MGAT4C: variants seen among roughly 807,000 people sequenced by gnomAD.
MGAT4C encodes MGAT4 family member C.
A neutral mutation model predicts 40.1 loss-of-function variants in MGAT4C; 19 were observed. The observed-to-expected ratio is 0.47, with a 90% CI of 0.33 to 0.70. The LOEUF (loss-of-function observed/expected upper bound fraction) is 0.70. MGAT4C is among the 30% of genes least tolerant of loss of function. The pLI is 0.02. For missense variants in MGAT4C, 491 were observed against 563.2 expected (o/e 0.87, Z 1.30); for synonymous variants, 181 against 187.1 (o/e 0.97, Z 0.27).
At chr12:86,691,200 A>G (rs1024371818) in intron 2 of MGAT4C, among the ~76,000 whole-genome samples, 11 of 152,214 alleles carry the variant, frequency 7.2e-5, no homozygotes, top group Non-Finnish European at 1.5e-4. Context: ...TATCTTGAGA[A>G]CAACTAGAAT....
At chr12:86,542,555 T>C (rs1227270106) in intron 2 of MGAT4C, among the ~76,000 whole-genome samples, 1 of 152,228 alleles carries the variant, frequency 6.6e-6, no homozygotes, top group East Asian at 1.9e-4. Flanking sequence ...TTGTGTGTTT[T>C]TATTATTTAA....
chr12:86,057,814 C>T (rs1893554507), intron 1 of MGAT4C, among the ~76,000 whole-genome samples: 1 of 152,102 alleles, frequency 6.6e-6, no homozygotes, highest in South Asian at 2.1e-4. Context: ...AAGATTTTCC[C>T]ACTAATTGGA....
At chr12:86,564,109 C>A (rs73389850) in intron 2 of MGAT4C, among the ~76,000 whole-genome samples, 8 of 152,236 alleles carry the variant, frequency 5.3e-5, no homozygotes, top group Non-Finnish European at 7.4e-5. Flanking sequence ...TGGTGATTCC[C>A]GCCATATCCC....
chr12:86,807,939 G>A (rs1254044501), intron 1 of MGAT4C, among the ~76,000 whole-genome samples: 1 of 151,968 alleles, frequency 6.6e-6, no homozygotes, highest in African/African-American at 2.4e-5. Context: ...TTTGAGAAAT[G>A]TCTGTTAATA....
At chr12:86,553,370 C>T (rs926283522) in intron 2 of MGAT4C, among the ~76,000 whole-genome samples, 1 of 152,064 alleles carries the variant, frequency 6.6e-6, no homozygotes, top group Non-Finnish European at 1.5e-5. Context: ...CACACCTACT[C>T]TAAATTCTAA....
At chr12:86,284,886 G>T (rs938248231) in intron 4 of MGAT4C, among the ~76,000 whole-genome samples, 5 of 151,914 alleles carry the variant, frequency 3.3e-5, no homozygotes, top group African/African-American at 1.2e-4. Context: ...TATGTCATCT[G>T]CACAGTCAAT....
chr12:86,214,425 A>G (rs1237169737), intron 1 of MGAT4C, among the ~76,000 whole-genome samples: 1 of 152,228 alleles, frequency 6.6e-6, no homozygotes, highest in Non-Finnish European at 1.5e-5. Context: ...GTTTTATGAG[A>G]ATAGAGATTT....
At chr12:86,558,962 T>G (rs1959738709) in intron 2 of MGAT4C, among the ~76,000 whole-genome samples, 1 of 151,944 alleles carries the variant, frequency 6.6e-6, no homozygotes, top group Non-Finnish European at 1.5e-5. Context: ...ACATGTCAAC[T>G]ATAAGAAACT....
chr12:86,585,677 G>C (rs900831125), intron 2 of MGAT4C, among the ~76,000 whole-genome samples: 2 of 149,966 alleles, frequency 1.3e-5, no homozygotes, highest in Admixed American at 6.7e-5. Context: ...TTTCTTTAAG[G>C]CATCATGAAG....
chr12:86,347,652 A>G (rs1321520567), intron 3 of MGAT4C, among the ~76,000 whole-genome samples: 2 of 152,148 alleles, frequency 1.3e-5, no homozygotes, highest in African/African-American at 2.4e-5. Context: ...GTATAGACAC[A>G]TATTTACTTC....
chr12:86,781,647 T>A (rs1951842782), intron 1 of MGAT4C, among the ~76,000 whole-genome samples: 1 of 151,868 alleles, frequency 6.6e-6, no homozygotes, highest in Admixed American at 6.6e-5. Context: ...AAAAAAAAAA[T>A]GACAACATCC....
intron 1 of MGAT4C, among the ~76,000 whole-genome samples, chr12:86,196,824 CT>C (rs1949828191): frequency 6.6e-6 from 1 of 152,130 alleles, no homozygotes; most frequent in African/African-American, 2.4e-5. Context: ...ATGCTTTCCA[CT>C]TTTTGCAACA....
chr12:86,065,674 A>G (rs1195748292), intron 1 of MGAT4C, among the ~76,000 whole-genome samples: 1 of 152,088 alleles, frequency 6.6e-6, no homozygotes, highest in Non-Finnish European at 1.5e-5. Context: ...CTCTCTCAGC[A>G]CTCCTATTCA....
intron 2 of MGAT4C, among the ~76,000 whole-genome samples, chr12:86,479,501 A>G (rs10506935): frequency 0.098 from 14,967 of 151,956 alleles, 998 homozygotes; most frequent in Middle Eastern, 0.24. Context: ...AACTCTAAAA[A>G]GATTCACATT....
intron 3 of MGAT4C, among the ~76,000 whole-genome samples, chr12:86,411,663 C>T (rs1275576349): frequency 6.6e-6 from 1 of 152,086 alleles, no homozygotes; most frequent in Non-Finnish European, 1.5e-5. Flanking sequence ...AAAATTGCAG[C>T]CTGGCCATGT....
chr12:86,002,862 G>A (rs976297001), intron 2 of MGAT4C, among the ~76,000 whole-genome samples: 43 of 152,034 alleles, frequency 2.8e-4, no homozygotes, highest in Admixed American at 2.8e-3. Context: ...GTGCAGTGGT[G>A]CAATCACAGC....
chr12:86,258,284 AATCTATCTATCT>A (rs10534958), upstream of MGAT4C, among the ~76,000 whole-genome samples: 170 of 146,758 alleles, frequency 1.2e-3, no homozygotes, highest in South Asian at 2.8e-3. Flanking sequence ...AACAGGATAT[AATCTATCTATCT>A]ATCTATCTAT....
Position 86,418,054 on chromosome 12 carries a change from T to C in MGAT4C, c.-120+17103A>G, listed in dbSNP as rs142798011. Among the ~76,000 whole-genome samples the C allele has an allele frequency of 8.5e-3, 1,299 of 152,284 alleles. 13 individuals carry two copies. Among genetic ancestry groups the C allele is most frequent in the Non-Finnish European group, 0.013 (874 of 68,024 alleles). The stretch of plus-strand genomic sequence containing the variant: ...ATGGTTAATAAGTATATTATTTGAA[T>C]AAATTTTGTAAATACGTATTCAAAG... On this transcript the variant is annotated intron_variant, in intron 3 of 7. Coordinates refer to the MGAT4C transcript ENST00000548651.
chr12:86,727,551 C>A (rs1215825689), intron 1 of MGAT4C, among the ~76,000 whole-genome samples: 8 of 150,810 alleles, frequency 5.3e-5, no homozygotes, highest in African/African-American at 1.9e-4. Context: ...CAAAGGAAAG[C>A]CAGAAGTTAA....
Sources: allele counts gnomAD v4.1 joint callset (sites outside exome capture counted in the v4.1 genomes callset), GRCh38; gene constraint gnomAD v4.1.1; transcripts MANE v1.5; gene names NCBI Gene and HGNC (gene_info 2026-07-23, HGNC 2026-07-21).